Variants in TEKT3 observed in about 807,000 individuals in gnomAD.
The protein encoded by TEKT3 is tektin-3.
A neutral mutation model predicts 49.8 loss-of-function variants in TEKT3; 49 were observed. The observed-to-expected ratio is 0.98, with a 90% CI of 0.78 to 1.25. The LOEUF is 1.25. Ranked by LOEUF, TEKT3 falls within the 50% of genes most tolerant of loss-of-function variation. The pLI is 0.00. For missense variants in TEKT3, 595 were observed against 629.5 expected, an observed-to-expected ratio of 0.95 and a Z score of 0.59; for synonymous variants, 225 against 237.2, an observed-to-expected ratio of 0.95 and a Z score of 0.47.
chr17:15,327,601 T>C (rs1911545832), intron 4 of TEKT3, among the ~76,000 whole-genome samples: 2 of 152,080 alleles, frequency 1.3e-5, no homozygotes, highest in African/African-American at 4.8e-5. Flanking sequence ...AATTTATAAA[T>C]ACAATGATCT....
At chr17:15,338,911 A>G (rs968652660) in intron 2 of TEKT3, among the ~76,000 whole-genome samples, 46 of 152,136 alleles carry the variant, frequency 3.0e-4, no homozygotes, top group African/African-American at 9.4e-4. Context: ...AATTCTTTGG[A>G]AAAATGACTG....
chr17:15,319,255 C>A (rs1368548265), intron 4 of TEKT3, 108 bp from the exon 5 acceptor site: 1 of 907,970 alleles, frequency 1.1e-6, no homozygotes, highest in African/African-American at 1.7e-5. Flanking sequence ...TCTTAAAATA[C>A]TGTGAAGTTA....
chr17:15,316,846 C>G (rs1911032854), intron 5 of TEKT3, among the ~76,000 whole-genome samples: 1 of 152,164 alleles, frequency 6.6e-6, no homozygotes, highest in African/African-American at 2.4e-5. Context: ...ATTTTTATGA[C>G]TTTAGAACTG....
At chr17:15,308,635 G>A (rs750272457) in intron 8 of TEKT3, 29 bp downstream of exon 8, 79 of 1,591,138 alleles carry the variant, frequency 5.0e-5, no homozygotes, top group Non-Finnish European at 6.0e-5. Context: ...CCCTCCGAGC[G>A]AGCCCCGAGC....
intron 2 of TEKT3, among the ~76,000 whole-genome samples, chr17:15,333,387 C>T (rs1434038564): frequency 6.6e-6 from 1 of 152,164 alleles, no homozygotes; most frequent in African/African-American, 2.4e-5. Context: ...CCACACAGAT[C>T]ACATGATAAA....
At chr17:15,329,371 A>G (rs182985396) in intron 3 of TEKT3, among the ~76,000 whole-genome samples, 21 of 152,348 alleles carry the variant, frequency 1.4e-4, no homozygotes, top group Admixed American at 1.0e-3. Flanking sequence ...TGCAGAAAAA[A>G]TTCAAATTAG....
intron 3 of TEKT3, among the ~76,000 whole-genome samples, chr17:15,330,288 A>T (rs184157287): frequency 5.9e-5 from 9 of 152,192 alleles, no homozygotes; most frequent in Non-Finnish European, 1.2e-4. Context: ...TATTTAAGAG[A>T]TAAGATGGTC....
chr17:15,309,282 C>T (rs549329553), intron 7 of TEKT3, among the ~76,000 whole-genome samples: 4 of 152,276 alleles, frequency 2.6e-5, no homozygotes, highest in African/African-American at 9.6e-5. Context: ...CTTTCTCTTC[C>T]TACCAACTTG....
intron 5 of TEKT3, among the ~76,000 whole-genome samples, chr17:15,318,547 T>C (rs1476194355): frequency 6.6e-6 from 1 of 152,128 alleles, no homozygotes; most frequent in Non-Finnish European, 1.5e-5. Flanking sequence ...AAAATATATT[T>C]TTCTTGAGAC....
rs148345040 is a variant in TEKT3, at chr17:15,304,100, G to A, written c.1309C>T (p.Arg437Cys). 134 of 1,614,038 alleles carry A rather than the reference G, an allele frequency of 8.3e-5. No homozygotes were observed. The highest frequency in any genetic ancestry group is 4.8e-4 in the South Asian group (44 of 91,078). The change falls in exon 9 of 9, where the codon CGC (arginine) becomes TGC (cysteine). Residue 437 changes from arginine to cysteine, a missense_variant. By Grantham distance (180) the Arg-to-Cys change is radical. Coordinates refer to ENST00000395930, the MANE Select transcript of TEKT3 (RefSeq NM_031898.3). The surrounding 1 kb of genome is among the most constrained non-coding windows in gnomAD (Gnocchi z 4.7). ...AGGGTGTCCTCTGCATCCCTCAGGC[G>A]CTGCTGCAGGGTCTGGATGGTGTCG... ...VDDTIQTLQQ[R>C]LRDAEDTLQS...
chr17:15,324,575 C>T (rs556396210), intron 4 of TEKT3, among the ~76,000 whole-genome samples: 91 of 152,276 alleles, frequency 6.0e-4, no homozygotes, highest in African/African-American at 2.1e-3. Context: ...TCTAATTCCT[C>T]CACATTCCAG....
At chr17:15,313,284 C>A (rs1156959038) in intron 6 of TEKT3, among the ~76,000 whole-genome samples, 1 of 152,136 alleles carries the variant, frequency 6.6e-6, no homozygotes, top group Non-Finnish European at 1.5e-5. Context: ...CAACTGCGTG[C>A]ATTGTATGGT....
Position 15,306,089 on chromosome 17 carries a change from A to ATATATATATATG in TEKT3, c.1257-1938_1257-1937insCATATATATATA, listed in dbSNP as rs1291765039. Among the ~76,000 whole-genome samples, 68 of 144,408 alleles carry ATATATATATATG rather than the reference A, an allele frequency of 4.7e-4. 1 individual carries two copies. In the South Asian group the frequency reaches 0.01, roughly 21 times the overall value. The allele number at this position is 144,408 out of a possible 152,430, so 94.7% of individuals were successfully genotyped here. On this transcript the variant is annotated intron_variant, in intron 8 of 8. Coordinates refer to ENST00000395930, the MANE Select transcript of TEKT3 (RefSeq NM_031898.3). ...AAGCTACCACAGTTTATTTATATAT[A>ATATATATATATG]TGTGTGTGTGTGTGTGTGTGTGTGT...
intron 2 of TEKT3, among the ~76,000 whole-genome samples, chr17:15,332,121 G>GA (rs1196410504): frequency 6.6e-6 from 1 of 151,826 alleles, no homozygotes; most frequent in Non-Finnish European, 1.5e-5. Flanking sequence ...GGGGTGGGGG[G>GA]CAGATAGATT....
chr17:15,331,056 A>G lies in TEKT3; in HGVS notation c.530T>C (p.Val177Ala). 6.2e-7 allele frequency: 1 copy of G among 1,614,084 alleles called. No homozygotes were observed. Among genetic ancestry groups the G allele is most frequent in the Non-Finnish European group, 8.5e-7 (1 of 1,180,000 alleles). Residue 177 changes from valine to alanine, a missense_variant, in exon 3 of 9, where the codon GTG (valine) becomes GCG (alanine). Coordinates refer to ENST00000395930, the MANE Select transcript of TEKT3 (RefSeq NM_031898.3). Reference sequence around the variant, plus strand: ...CAAAGCCCGCTCCAGTCTTTTCTTCACATCAGTAAGTGCATTTGTCTCTCC... The same window carrying G: ...CAAAGCCCGCTCCAGTCTTTTCTTCGCATCAGTAAGTGCATTTGTCTCTCC... ...MIGETNALTD[V>A]KKRLERALME... is the part of the protein sequence containing the mutation.
chr17:15,315,096 C>G (rs896517038), intron 5 of TEKT3, among the ~76,000 whole-genome samples: 8 of 152,222 alleles, frequency 5.3e-5, no homozygotes, highest in African/African-American at 1.9e-4. Context: ...TCAGTGGACA[C>G]CACCAACATC....
At chr17:15,313,078 T>C (rs1241685682) in intron 6 of TEKT3, among the ~76,000 whole-genome samples, 2 of 152,162 alleles carry the variant, frequency 1.3e-5, no homozygotes, top group Non-Finnish European at 2.9e-5. Context: ...AGGATATACG[T>C]GTGAGGATAT....
intron 5 of TEKT3, 142 bp downstream of exon 5, chr17:15,318,935 A>T (rs1911134476): frequency 1.7e-6 from 1 of 593,604 alleles, no homozygotes; most frequent in East Asian, 2.9e-5. Flanking sequence ...GGTATCAAGT[A>T]ATCATCTTAA....
chr17:15,318,038 A>G (rs893337153), intron 5 of TEKT3, among the ~76,000 whole-genome samples: 15 of 135,298 alleles, frequency 1.1e-4, no homozygotes, highest in African/African-American at 3.9e-4. Context: ...CGCCCAGGCT[A>G]GAGTGCAGTG....
Sources: gnomAD v4.1 joint callset for allele counts (sites outside exome capture counted in the v4.1 genomes callset) on GRCh38, gnomAD v4.1.1 for gene constraint, Gnocchi (gnomAD v3.1) non-coding constraint, MANE v1.5 for transcripts, NCBI Gene and HGNC (gene_info 2026-07-23, HGNC 2026-07-21) for gene names.